The following ANKFY1 variants were observed in gnomAD, a reference collection of about 807,000 sequenced individuals.
The protein encoded by ANKFY1 is ankyrin repeat and FYVE domain containing 1.
A neutral mutation model predicts 128.3 loss-of-function variants in ANKFY1; 47 were observed. The ratio of observed to expected loss-of-function variants is 0.37; its 90% CI spans 0.29 to 0.47. The LOEUF (loss-of-function observed/expected upper bound fraction) is 0.47. ANKFY1 is among the 20% of genes least tolerant of loss of function. The pLI is 1.00. For missense variants in ANKFY1, 1,222 were observed against 1,510.6 expected (o/e 0.81, Z 3.17); for synonymous variants, 553 against 601.6 (o/e 0.92, Z 1.18).
chr17:4,191,652 ATGGTTAAT>A (rs2059720201), intron 10 of ANKFY1, among the ~76,000 whole-genome samples: 1 of 111,910 alleles, frequency 8.9e-6, no homozygotes, highest in Non-Finnish European at 1.9e-5. Flanking sequence ...CTCCTAGTTG[ATGGTTAAT>A]CTGGAGACTC....
intron 11 of ANKFY1, among the ~76,000 whole-genome samples, chr17:4,185,733 T>C (rs1298517165): frequency 4.8e-5 from 2 of 41,992 alleles, no homozygotes. Context: ...CGCTTTGTTT[T>C]ATAATTCTTT....
rs776174515 is a variant in ANKFY1 at position 4,170,804 on chromosome 17, G to A, written c.3197C>T (p.Ser1066Leu). Reference protein sequence around the residue: ...NANLCRAIVRSGARLGVNNNQ... With the variant: ...NANLCRAIVRLGARLGVNNNQ... ...GTTATTCACCCCGAGGCGAGCCCCC[G>A]ACCGGACGATGGCGCGGCACAAGTT... is the stretch of plus-strand genomic sequence containing the variant. The change falls in exon 23 of 25, where the codon TCG becomes TTG. Residue 1066 changes from serine (S) to leucine (L), a missense_variant. Ser to Leu is a moderately radical substitution (Grantham distance 145). Coordinates refer to ENST00000341657, the MANE Select transcript of ANKFY1 (RefSeq NM_001330063.2). 8.7e-6 allele frequency: 14 copies of A among 1,614,200 alleles called. No individual in the cohort carries two copies. Among genetic ancestry groups the A allele is most frequent in the South Asian group, 3.3e-5 (3 of 91,084 alleles).
intron 1 of ANKFY1, among the ~76,000 whole-genome samples, chr17:4,247,419 G>C (rs971164): frequency 0.94 from 143,416 of 152,226 alleles, 68,164 homozygotes; most frequent in Non-Finnish European, 1. Context: ...TAGATAAAAG[G>C]AGGGCTTTAG....
chr17:4,191,922 A>G (rs74858937), intron 10 of ANKFY1, among the ~76,000 whole-genome samples: 7 of 41,218 alleles, frequency 1.7e-4, no homozygotes, highest in Admixed American at 5.3e-4. Flanking sequence ...GTTGATGGTT[A>G]CTCTAATCTG....
chr17:4,220,802 G>T (rs1011852725), intron 3 of ANKFY1, among the ~76,000 whole-genome samples: 2 of 152,200 alleles, frequency 1.3e-5, no homozygotes, highest in Admixed American at 1.3e-4. Flanking sequence ...TGGGTAAATC[G>T]TCCACACTGT....
intron 22 of ANKFY1, among the ~76,000 whole-genome samples, chr17:4,171,108 CT>C (rs1367433730): frequency 6.6e-6 from 1 of 152,230 alleles, no homozygotes; most frequent in African/African-American, 2.4e-5. Context: ...AAGACACAGT[CT>C]TTCCCACGTA....
chr17:4,202,082 G>C (rs2059937428), intron 7 of ANKFY1, among the ~76,000 whole-genome samples: 1 of 152,106 alleles, frequency 6.6e-6, no homozygotes, highest in Admixed American at 6.6e-5. Context: ...TTACCTTTAA[G>C]CTTAAAATAT....
At chr17:4,200,382 T>G (rs2059906950) in intron 7 of ANKFY1, among the ~76,000 whole-genome samples, 1 of 152,070 alleles carries the variant, frequency 6.6e-6, no homozygotes, top group Non-Finnish European at 1.5e-5. Context: ...CTTTCAAGGG[T>G]TCAGTTAAAC....
chr17:4,178,817 C>T lies in ANKFY1; in HGVS notation c.2598+40G>A. On this transcript the variant is annotated intron_variant, in intron 18 of 24. Transcript: ENST00000341657. This position sits in a 1 kb window ranked among gnomAD's most constrained non-coding sequence, Gnocchi z 4.1. ...TGTCTAGTCTCCAGGTTCCGCGACG[C>T]CCAGGACCATGTGGAGAAGGTCAGG... 1.9e-6 allele frequency: 3 copies of T among 1,601,254 alleles called. No homozygotes were observed. Among genetic ancestry groups the T allele is most frequent in the Non-Finnish European group, 2.6e-6 (3 of 1,169,560 alleles).
At chr17:4,208,638 C>T (rs889492390) in intron 5 of ANKFY1, among the ~76,000 whole-genome samples, 6 of 152,210 alleles carry the variant, frequency 3.9e-5, no homozygotes, top group Non-Finnish European at 8.8e-5. Flanking sequence ...GTTCTTTAGC[C>T]GCCTTTTCTG....
intron 10 of ANKFY1, chr17:4,191,221 G>A (rs1267940014): frequency 2.0e-5 from 3 of 152,270 alleles, no homozygotes; most frequent in Admixed American, 1.3e-4. Context: ...ACAGGAATCC[G>A]ACTCCTAGTT....
Position 4,181,520 on chromosome 17 carries a change from C to T in ANKFY1, c.2122-148G>A. 1.6e-6 allele frequency: 1 copy of T among 641,386 alleles called. No homozygotes were observed. Among genetic ancestry groups the T allele is most frequent in the South Asian group, 1.9e-5 (1 of 51,734 alleles). The allele number at this position is 641,386 out of a possible 1,614,324, so 39.7% of individuals were successfully genotyped here. Reference sequence around the variant, plus strand: ...TTGATAATTACTTTAATCTGTATCACTCATTATTTTACAAACACTAATTAA... The same window carrying T: ...TTGATAATTACTTTAATCTGTATCATTCATTATTTTACAAACACTAATTAA... On this transcript the variant is annotated intron_variant, in intron 15 of 24. Coordinates refer to ENST00000341657, the MANE Select transcript of ANKFY1 (RefSeq NM_001330063.2). This position sits in a 1 kb window ranked among gnomAD's most constrained non-coding sequence, Gnocchi z 4.9.
chr17:4,200,711 G>C (rs2059912341), intron 7 of ANKFY1, among the ~76,000 whole-genome samples: 1 of 152,180 alleles, frequency 6.6e-6, no homozygotes, highest in South Asian at 2.1e-4. Context: ...TTAATTTATG[G>C]ATCTTTCCAT....
chr17:4,228,737 G>T (rs1282786935), intron 3 of ANKFY1, among the ~76,000 whole-genome samples: 1 of 152,182 alleles, frequency 6.6e-6, no homozygotes, highest in African/African-American at 2.4e-5. Context: ...TGTTTATGTT[G>T]ATTGTGGCAG....
intron 24 of ANKFY1, chr17:4,168,132 G>T: frequency 5.2e-6 from 2 of 384,782 alleles, no homozygotes; most frequent in Non-Finnish European, 9.3e-6. Context: ...TACTGAAGAA[G>T]GCTTTTTTTT....
intron 22 of ANKFY1, among the ~76,000 whole-genome samples, chr17:4,171,122 G>A (rs1343545162): frequency 6.6e-6 from 1 of 152,220 alleles, no homozygotes; most frequent in East Asian, 1.9e-4. Flanking sequence ...CCCACGTAGA[G>A]CTTGGGCTGC....
At chr17:4,259,972 G>T (rs1006427174) in intron 1 of ANKFY1, among the ~76,000 whole-genome samples, 11 of 152,196 alleles carry the variant, frequency 7.2e-5, no homozygotes, top group Admixed American at 5.9e-4. Context: ...GGAAACTGCA[G>T]GGACAAAGAC....
chr17:4,260,932 G>A (rs1167336023), intron 1 of ANKFY1, among the ~76,000 whole-genome samples: 1 of 152,168 alleles, frequency 6.6e-6, no homozygotes, highest in Non-Finnish European at 1.5e-5. Context: ...CAAGTTATAT[G>A]ACACAGATAT....
Position 4,195,071 on chromosome 17 carries a change from G to A in ANKFY1, c.1279C>T (p.Pro427Ser). 1.9e-6 allele frequency: 3 copies of A among 1,614,176 alleles called. No homozygotes were observed. Among genetic ancestry groups the A allele is most frequent in the Non-Finnish European group, 2.5e-6 (3 of 1,180,032 alleles). ...TCAAATGAAGTCCCATTTACCACGG[G>A]GACATCTTCGAAGGGGTTCACAGAC... Reference protein sequence around the residue: ...DQSVNPFEDVPVVNGTSFDEN... With the variant: ...DQSVNPFEDVSVVNGTSFDEN... Residue 427 changes from proline to serine, a missense_variant, in exon 10 of 25, where the codon CCC (proline) becomes TCC (serine). Pro to Ser is a moderately conservative substitution (Grantham distance 74, BLOSUM62 -1). Transcript: ENST00000341657.
Sources: allele counts gnomAD v4.1 joint callset (sites outside exome capture counted in the v4.1 genomes callset), GRCh38; gene constraint gnomAD v4.1.1; non-coding constraint Gnocchi (gnomAD v3.1); transcripts MANE v1.5; gene names NCBI Gene and HGNC (gene_info 2026-07-23, HGNC 2026-07-21).